KCNJ6: variants seen among roughly 807,000 people sequenced by gnomAD.
The protein encoded by KCNJ6 is potassium inwardly rectifying channel subfamily J member 6.
A neutral mutation model predicts 34.2 loss-of-function variants in KCNJ6; 9 were observed. The observed-to-expected ratio is 0.26, with a 90% CI of 0.16 to 0.46. The LOEUF (loss-of-function observed/expected upper bound fraction) is 0.46. KCNJ6 is among the 20% of genes least tolerant of loss of function. The pLI is 1.00. For synonymous variants in KCNJ6, 196 were observed against 207.1 expected, an observed-to-expected ratio of 0.95 and a Z score of 0.46; for missense variants, 236 against 531.3, an observed-to-expected ratio of 0.44 and a Z score of 5.46.
chr21:37,730,722 C>T (rs1458274265), intron 2 of KCNJ6, among the ~76,000 whole-genome samples: 1 of 152,192 alleles, frequency 6.6e-6, no homozygotes, highest in Non-Finnish European at 1.5e-5. Context: ...TATCAATGTG[C>T]AGTTGCATTC....
At position 37,610,010 on chromosome 21, in the gene KCNJ6, G is replaced by A. The variant is rs2054237256; in HGVS notation, c.*15149C>T. On this transcript the variant is annotated 3_prime_UTR_variant, in exon 4 of 4. Coordinates refer to ENST00000609713, the MANE Select transcript of KCNJ6 (RefSeq NM_002240.5). ...CTCTCTGCTACCGGGTTTAGTGGTG[G>A]TAATGACAGGGGAGCAGGACGTGGT... The A allele has an allele frequency of 6.6e-6, 1 of 152,276 alleles. No homozygotes were observed. The highest frequency in any genetic ancestry group is 6.5e-5 in the Admixed American group (1 of 15,278). The allele number at this position is 152,276 out of a possible 1,614,324, so 9.4% of individuals were successfully genotyped here.
intron 2 of KCNJ6, among the ~76,000 whole-genome samples, chr21:37,715,724 A>G (rs1217629604): frequency 1.3e-5 from 2 of 152,212 alleles, no homozygotes; most frequent in East Asian, 3.8e-4. Flanking sequence ...TTATGCGAAG[A>G]GGGAGAGACA....
At chr21:37,664,737 AT>A (rs1434999883) in intron 3 of KCNJ6, among the ~76,000 whole-genome samples, 2 of 152,088 alleles carry the variant, frequency 1.3e-5, no homozygotes, top group Non-Finnish European at 2.9e-5. Flanking sequence ...TTTCCCAAAC[AT>A]TTAAGGAATA....
In KCNJ6 at chr21:37,809,107, A is replaced by G. The variant is rs1404040126; in HGVS notation, c.25+31551T>C. Among the ~76,000 whole-genome samples the G allele has an allele frequency of 3.3e-5, 5 of 152,238 alleles. No individual in the cohort carries two copies. In the East Asian group the frequency reaches 9.6e-4, roughly 29 times the overall value. ...TTATTGCGGCACTATTCACAATAGC[A>G]AAGGCTTGGAACCAACCCAAATGTC... On this transcript the variant is annotated intron_variant, in intron 2 of 3. Coordinates refer to ENST00000609713, the MANE Select transcript of KCNJ6 (RefSeq NM_002240.5).
intron 1 of KCNJ6, among the ~76,000 whole-genome samples, chr21:37,900,427 C>T (rs1189306065): frequency 6.6e-6 from 1 of 152,194 alleles, no homozygotes; most frequent in African/African-American, 2.4e-5. Flanking sequence ...ACTAGGGAAA[C>T]ATCAGTGAAC....
At chr21:37,784,079 C>T (rs927652199) in intron 2 of KCNJ6, among the ~76,000 whole-genome samples, 1 of 152,308 alleles carries the variant, frequency 6.6e-6, no homozygotes, top group East Asian at 1.9e-4. Flanking sequence ...GAGCTGACTC[C>T]TACAGCTGTG....
intron 1 of KCNJ6, among the ~76,000 whole-genome samples, chr21:37,901,376 A>AT (rs1429956554): frequency 8.1e-6 from 1 of 123,778 alleles, no homozygotes; most frequent in Non-Finnish European, 1.7e-5. Context: ...TATCGGTGAA[A>AT]TTTCCCCAGG....
intron 2 of KCNJ6, among the ~76,000 whole-genome samples, chr21:37,831,555 A>AGTGTG (rs57709667): frequency 0.21 from 31,642 of 152,042 alleles, 5,471 homozygotes; most frequent in East Asian, 0.49. Context: ...GTGGTGAAGG[A>AGTGTG]AAGCTCTTGG....
chr21:37,765,534 C>A (rs1391781065), intron 2 of KCNJ6, among the ~76,000 whole-genome samples: 1 of 152,102 alleles, frequency 6.6e-6, no homozygotes, highest in Non-Finnish European at 1.5e-5. Context: ...CCTCCCAGCC[C>A]CAGACACGGA....
At chr21:37,712,541 TCCTCCTCCCTC>T (rs1280906880) in intron 3 of KCNJ6, among the ~76,000 whole-genome samples, 2 of 67,706 alleles carry the variant, frequency 3.0e-5, no homozygotes, top group East Asian at 4.2e-4. Context: ...CTTCCCTCCC[TCCTCCTCCCTC>T]CCTCCTCCCC....
rs557014411 is a variant in KCNJ6 at position 37,612,987 on chromosome 21, A to G, written c.*12172T>C. 6.6e-6 allele frequency: 1 copy of G among 152,326 alleles called. No homozygotes were observed. The highest frequency in any genetic ancestry group is 2.1e-4 in the South Asian group (1 of 4,830). The allele number at this position is 152,326 out of a possible 1,614,324, so 9.4% of individuals were successfully genotyped here. Reference sequence around the variant, plus strand: ...CGTCTGCTCTGAAAAAGACAAGGTCAAGATAATGAGAAGACAAGCCACGGA... The same window carrying G: ...CGTCTGCTCTGAAAAAGACAAGGTCGAGATAATGAGAAGACAAGCCACGGA... On this transcript the variant is annotated 3_prime_UTR_variant, in exon 4 of 4. Transcript: ENST00000609713.
At chr21:37,856,367 C>G (rs139186987) in intron 1 of KCNJ6, among the ~76,000 whole-genome samples, 38 of 152,270 alleles carry the variant, frequency 2.5e-4, no homozygotes, top group East Asian at 1.2e-3. Context: ...CTATCATCTT[C>G]CTTGTCCTCT....
At chr21:37,683,081 G>A (rs898706154) in intron 3 of KCNJ6, among the ~76,000 whole-genome samples, 2 of 152,208 alleles carry the variant, frequency 1.3e-5, no homozygotes, top group East Asian at 3.8e-4. Flanking sequence ...GGCGTCAAGC[G>A]AGGGAAGCAT....
chr21:37,790,702 G>A (rs1028566652), intron 2 of KCNJ6, among the ~76,000 whole-genome samples: 1 of 152,220 alleles, frequency 6.6e-6, no homozygotes, highest in Non-Finnish European at 1.5e-5. Flanking sequence ...CTAAGGGACT[G>A]TGACTATAGT....
chr21:37,710,843 C>T (rs1269074367), intron 3 of KCNJ6, among the ~76,000 whole-genome samples: 4 of 152,314 alleles, frequency 2.6e-5, no homozygotes, highest in East Asian at 1.9e-4. Flanking sequence ...GGAACATAAA[C>T]GGCCCCCTTT....
chr21:37,722,913 C>A (rs1228599108), intron 2 of KCNJ6, among the ~76,000 whole-genome samples: 1 of 152,150 alleles, frequency 6.6e-6, no homozygotes, highest in Non-Finnish European at 1.5e-5. Context: ...AAAACAATTG[C>A]AACAAGTCAA....
chr21:37,720,773 T>C (rs1299723437), intron 2 of KCNJ6, among the ~76,000 whole-genome samples: 1 of 149,950 alleles, frequency 6.7e-6, no homozygotes, highest in Non-Finnish European at 1.5e-5. Flanking sequence ...AGTGGCGCAA[T>C]CTCGGCTCAC....
In KCNJ6 at chr21:37,622,797, C is replaced by G. The variant is rs2054294157; in HGVS notation, c.*2362G>C. ...TCTTCCAACCAGACACGGGGGTGTGCGCTGTCCTTTAAACCTTAGCAATGG... is the reference window on the plus strand; with the variant it reads ...TCTTCCAACCAGACACGGGGGTGTGGGCTGTCCTTTAAACCTTAGCAATGG... On this transcript the variant is annotated 3_prime_UTR_variant, in exon 4 of 4. Coordinates refer to ENST00000609713, the MANE Select transcript of KCNJ6 (RefSeq NM_002240.5). The G allele has an allele frequency of 6.6e-6, 1 of 152,198 alleles. No individual in the cohort carries two copies. Among genetic ancestry groups the G allele is most frequent in the African/African-American group, 2.4e-5 (1 of 41,432 alleles). 9.4% of individuals were successfully genotyped at this position (152,198 alleles called of 1,614,324 possible).
Position 37,870,502 on chromosome 21 carries a change from TTC to T in KCNJ6, c.-27-29795_-27-29794del, listed in dbSNP as rs1979243508. Among the ~76,000 whole-genome samples the T allele has an allele frequency of 3.9e-5, 6 of 152,280 alleles. No homozygotes were observed. In the South Asian group the frequency reaches 1.2e-3, roughly 32 times the overall value. Reference sequence around the variant, plus strand: ...ATAGCCAGTCCATCAGGATGGAACATTCTCTCTCTGCCTTGCTTTCAGCACTG... The same window carrying T: ...ATAGCCAGTCCATCAGGATGGAACATTCTCTCTGCCTTGCTTTCAGCACTG... On this transcript the variant is annotated intron_variant, in intron 1 of 3. Transcript: ENST00000609713.
Sources: gnomAD v4.1 joint callset for allele counts (sites outside exome capture counted in the v4.1 genomes callset) on GRCh38, gnomAD v4.1.1 for gene constraint, MANE v1.5 for transcripts, NCBI Gene and HGNC (gene_info 2026-07-23, HGNC 2026-07-21) for gene names.